Variants in RIMS2 observed in about 807,000 individuals in gnomAD.
The protein encoded by RIMS2 is regulating synaptic membrane exocytosis protein 2.
RIMS2 carries 59 observed loss-of-function variants against 174.4 expected under a neutral mutation model. The observed-to-expected ratio is 0.34, with a 90% confidence interval of 0.27 to 0.42. The LOEUF (loss-of-function observed/expected upper bound fraction) is 0.42, where lower values mean the gene tolerates loss of function less well. Ranked by LOEUF, RIMS2 falls within the 10% of genes least tolerant of loss-of-function variation. The pLI is 1.00. For missense variants in RIMS2, 1,620 were observed against 1,666.3 expected (o/e 0.97, Z 0.48); for synonymous variants, 606 against 572.5 (o/e 1.06, Z -0.84).
intron 19 of RIMS2, among the ~76,000 whole-genome samples, chr8:104,170,429 T>C (rs183463758): frequency 6.6e-6 from 1 of 152,180 alleles, no homozygotes; most frequent in Admixed American, 6.5e-5. Flanking sequence ...ACATGGTTCT[T>C]GTCTTTTTTT....
intron 3 of RIMS2, among the ~76,000 whole-genome samples, chr8:103,799,783 A>G (rs1338665318): frequency 6.6e-6 from 1 of 152,294 alleles, no homozygotes; most frequent in East Asian, 1.9e-4. Flanking sequence ...CAATTTGAAA[A>G]AATTAGCTCC....
chr8:103,997,864 C>T (rs1196307348), intron 17 of RIMS2, among the ~76,000 whole-genome samples: 2 of 151,202 alleles, frequency 1.3e-5, no homozygotes, highest in African/African-American at 4.8e-5. Flanking sequence ...TTTTATTTTT[C>T]TCATCTCATC....
At chr8:104,235,344 A>G (rs1000834891) in intron 19 of RIMS2, among the ~76,000 whole-genome samples, 2 of 152,146 alleles carry the variant, frequency 1.3e-5, no homozygotes, top group Non-Finnish European at 2.9e-5. Context: ...AATCTCATCT[A>G]TATTATTAGT....
intron 3 of RIMS2, among the ~76,000 whole-genome samples, chr8:103,794,081 A>G (rs930352016): frequency 1.3e-5 from 2 of 152,168 alleles, no homozygotes; most frequent in African/African-American, 2.4e-5. Flanking sequence ...GAAAAAAACT[A>G]TGTTAAACTT....
intron 2 of RIMS2, among the ~76,000 whole-genome samples, chr8:103,735,641 T>C (rs1290108278): frequency 2.6e-5 from 4 of 152,202 alleles, no homozygotes; most frequent in Admixed American, 2.0e-4. Context: ...GGTGTGTCTC[T>C]TAAGAAGTTT....
chr8:104,146,216 A>T (rs1020235849), intron 19 of RIMS2, among the ~76,000 whole-genome samples: 39 of 149,986 alleles, frequency 2.6e-4, no homozygotes, highest in African/African-American at 9.3e-4. Context: ...AAAAAAAAAA[A>T]AAAAAAAAAA....
intron 1 of RIMS2, among the ~76,000 whole-genome samples, chr8:103,673,127 G>C (rs139967368): frequency 6.6e-6 from 1 of 152,322 alleles, no homozygotes; most frequent in Non-Finnish European, 1.5e-5. Context: ...TGGTGCATGA[G>C]GTGGGCTCCT....
intron 19 of RIMS2, among the ~76,000 whole-genome samples, chr8:104,053,167 C>T (rs2096815474): frequency 6.6e-6 from 1 of 152,064 alleles, no homozygotes; most frequent in Non-Finnish European, 1.5e-5. Context: ...TTAAAGTCAC[C>T]ACAAATTAAG....
At chr8:103,917,755 T>TA (rs1399984963) in intron 8 of RIMS2, among the ~76,000 whole-genome samples, 1 of 152,200 alleles carries the variant, frequency 6.6e-6, no homozygotes, top group African/African-American at 2.4e-5. Context: ...CTCATGCCTG[T>TA]AATCCCAGCA....
At chr8:104,214,795 G>A (rs147021602) in intron 19 of RIMS2, among the ~76,000 whole-genome samples, 23 of 152,292 alleles carry the variant, frequency 1.5e-4, no homozygotes, top group African/African-American at 4.8e-4. Flanking sequence ...GATGACTTGC[G>A]TAGATTGGTT....
At chr8:104,086,413 G>T (rs2154563977) in intron 19 of RIMS2, among the ~76,000 whole-genome samples, 1 of 152,030 alleles carries the variant, frequency 6.6e-6, no homozygotes, top group Non-Finnish European at 1.5e-5. Context: ...TAAACCTGGG[G>T]TTTCATTGCA....
At chr8:104,115,822 G>A (rs571935184) in intron 19 of RIMS2, among the ~76,000 whole-genome samples, 11 of 152,292 alleles carry the variant, frequency 7.2e-5, no homozygotes, top group African/African-American at 2.6e-4. Flanking sequence ...TTCCCCTTAA[G>A]CTAGTTATTG....
chr8:104,083,519 A>G (rs2097470101), intron 19 of RIMS2, among the ~76,000 whole-genome samples: 1 of 152,202 alleles, frequency 6.6e-6, no homozygotes, highest in African/African-American at 2.4e-5. Flanking sequence ...TAATCCATGT[A>G]ATGTTTAAAG....
At chr8:104,014,435 T>G in intron 18 of RIMS2, 71 bp from the exon 21 acceptor site, 1 of 839,580 alleles carries the variant, frequency 1.2e-6, no homozygotes, top group Non-Finnish European at 1.9e-6. Flanking sequence ...AGCTATCATA[T>G]GAACCAAATG....
rs1050759312 is a variant in RIMS2, at chr8:103,806,587, T to A, written c.698+40050T>A. Among the ~76,000 whole-genome samples the A allele has an allele frequency of 2.0e-5, 3 of 151,832 alleles. 1 individual carries two copies. The highest frequency in any genetic ancestry group is 7.3e-5 in the African/African-American group (3 of 41,374). On this transcript the variant is annotated intron_variant, in intron 3 of 23. Transcript: ENST00000504942. ...AATGTGATAAGATACTATTGTAGGG[T>A]TTAAACATGGAAGGAGCATGATATT...
rs796683291 is a variant in RIMS2 at position 104,022,765 on chromosome 8, TCA to T, written c.3334+8151_3334+8152del. On this transcript the variant is annotated intron_variant, in intron 19 of 23. Coordinates refer to ENST00000504942, the Ensembl canonical transcript of RIMS2. ...TCTAGTGACAATGATTATTGGAACC[TCA>T]GTTATAAATTTGTTTTTATACACAC... Among the ~76,000 whole-genome samples, 4 of 152,252 alleles carry T rather than the reference TCA, an allele frequency of 2.6e-5. No homozygotes were observed. The East Asian group carries it at 7.7e-4, about 29-fold the overall frequency.
chr8:103,501,254 G>T (rs994621007), intron 1 of RIMS2, 192 bp downstream of exon 1: 96 of 339,864 alleles, frequency 2.8e-4, no homozygotes, highest in Non-Finnish European at 1.2e-4. Flanking sequence ...GTGTGTCGGG[G>T]AGGGAGGGCG....
chr8:104,061,577 C>G (rs947620613), intron 19 of RIMS2, among the ~76,000 whole-genome samples: 1 of 150,276 alleles, frequency 6.7e-6, no homozygotes, highest in African/African-American at 2.4e-5. Flanking sequence ...TATCAGTCTT[C>G]AAATCTTTTT....
At chr8:103,549,055 G>A (rs1362254429) in intron 1 of RIMS2, among the ~76,000 whole-genome samples, 4 of 151,998 alleles carry the variant, frequency 2.6e-5, no homozygotes, top group African/African-American at 9.7e-5. Flanking sequence ...CTGTGCTGAT[G>A]GATAGGAGAA....
Sources: gnomAD v4.1 joint callset for allele counts (sites outside exome capture counted in the v4.1 genomes callset) on GRCh38, gnomAD v4.1.1 for gene constraint, MANE v1.5 for transcripts, NCBI Gene and HGNC (gene_info 2026-07-23, HGNC 2026-07-21) for gene names.